Variants in YES1 observed in about 807,000 individuals in gnomAD.
YES1 encodes YES proto-oncogene 1, Src family tyrosine kinase, also known as tyrosine-protein kinase Yes.
Under a neutral mutation model 70.4 loss-of-function variants are expected in YES1, and 39 were observed. The ratio of observed to expected loss-of-function variants is 0.55; its 90% CI spans 0.43 to 0.72. The LOEUF (loss-of-function observed/expected upper bound fraction) is 0.72. YES1 is among the 30% of genes least tolerant of loss of function. The probability of loss-of-function intolerance (pLI) is 0.00; values close to 1 mark genes in which losing one functional copy is unlikely to be tolerated. For synonymous variants in YES1, 198 were observed against 218.6 expected, an observed-to-expected ratio of 0.91 and a Z score of 0.83; for missense variants, 495 against 644.8, an observed-to-expected ratio of 0.77 and a Z score of 2.52.
At position 772,104 on chromosome 18, in the gene YES1, C is replaced by T. The variant is rs529475157; in HGVS notation, c.-8-15269G>A. ...AGTGCAATGCCACGATCTCGGCTCA[C>T]GGCAACCTCTGCCTCCTGGGTTCAA... On this transcript the variant is annotated intron_variant, in intron 1 of 11. Coordinates refer to ENST00000314574, the MANE Select transcript of YES1 (RefSeq NM_005433.4). Among the ~76,000 whole-genome samples, 14 of 152,192 alleles carry T rather than the reference C, an allele frequency of 9.2e-5. No individual in the cohort carries two copies. The East Asian group carries it at 2.1e-3, about 23-fold the overall frequency.
chr18:757,502 CAAAA>C (rs747227284), intron 1 of YES1, among the ~76,000 whole-genome samples: 2 of 91,210 alleles, frequency 2.2e-5, no homozygotes, highest in East Asian at 3.3e-4. Flanking sequence ...GACTCCGTCT[CAAAA>C]AAAAAAAAAA....
At chr18:761,669 T>G (rs1904601992) in intron 1 of YES1, among the ~76,000 whole-genome samples, 1 of 152,206 alleles carries the variant, frequency 6.6e-6, no homozygotes, top group Non-Finnish European at 1.5e-5. Flanking sequence ...TCCAGAGTAT[T>G]GAGCCTAATG....
intron 9 of YES1, chr18:737,185 G>A: frequency 2.3e-6 from 1 of 442,102 alleles, no homozygotes; most frequent in South Asian, 3.0e-5. Context: ...GGGTGCGGTG[G>A]CCCACACCTA....
At chr18:771,046 C>G (rs12955644) in intron 1 of YES1, among the ~76,000 whole-genome samples, 24,731 of 151,390 alleles carry the variant, frequency 0.16, 2,234 homozygotes, top group East Asian at 0.32. Flanking sequence ...CCTAGAAAAA[C>G]ATTTCATTCC....
At chr18:768,692 GTTATTTAT>G (rs369460488) in intron 1 of YES1, among the ~76,000 whole-genome samples, 5 of 151,970 alleles carry the variant, frequency 3.3e-5, no homozygotes, top group East Asian at 1.9e-4. Context: ...GTTTAGATAT[GTTATTTAT>G]TTATTTATTT....
Position 736,973 on chromosome 18 carries a change from A to G in YES1, c.1138-12T>C. 1 of 1,594,808 alleles carries G rather than the reference A, an allele frequency of 6.3e-7. No individual in the cohort carries two copies. Among genetic ancestry groups the G allele is most frequent in the Non-Finnish European group, 8.5e-7 (1 of 1,174,662 alleles). On this transcript the variant is annotated splice_polypyrimidine_tract_variant and intron_variant, in intron 9 of 11. Transcript: ENST00000314574. The stretch of plus-strand genomic sequence containing the variant: ...ATACCATCAGCAATCTTGGAAAGAG[A>G]AAAACAAAAAACACAAGACATACGA...
intron 11 of YES1, among the ~76,000 whole-genome samples, chr18:731,354 G>C (rs1475708869): frequency 6.6e-6 from 1 of 152,038 alleles, no homozygotes; most frequent in African/African-American, 2.4e-5. Context: ...TTGTTGGAGA[G>C]GACAATGGTG....
chr18:794,046 G>A lies in YES1; in HGVS notation c.-9+18068C>T, dbSNP rs549303377. Among the ~76,000 whole-genome samples the A allele has an allele frequency of 1.1e-4, 17 of 152,252 alleles. 1 individual carries two copies. The highest frequency in any genetic ancestry group is 1.0e-3 in the South Asian group (5 of 4,826). On this transcript the variant is annotated intron_variant, in intron 1 of 11. Coordinates refer to ENST00000314574, the MANE Select transcript of YES1 (RefSeq NM_005433.4). ...AACTCTTACTGCAATAATTAATTCA[G>A]CCAAGGAATCATCAATGGAAGCAAA...
intron 1 of YES1, among the ~76,000 whole-genome samples, chr18:800,626 G>A (rs1264522421): frequency 1.3e-5 from 2 of 152,196 alleles, no homozygotes; most frequent in African/African-American, 4.8e-5. Flanking sequence ...AAGAAGAAAA[G>A]GCTACTAAGA....
At chr18:783,617 C>CTT (rs71805434) in intron 1 of YES1, among the ~76,000 whole-genome samples, 2 of 143,290 alleles carry the variant, frequency 1.4e-5, no homozygotes, top group African/African-American at 2.6e-5. Flanking sequence ...CAATTTTTCT[C>CTT]TTTTTTTTTT....
chr18:728,123 C>T (rs1391936390), intron 11 of YES1, among the ~76,000 whole-genome samples: 1 of 151,992 alleles, frequency 6.6e-6, no homozygotes, highest in African/African-American at 2.4e-5. Flanking sequence ...ATCGCTTGAG[C>T]CTAGGATTTT....
chr18:805,955 A>G (rs1291569843), intron 1 of YES1, among the ~76,000 whole-genome samples: 1 of 152,216 alleles, frequency 6.6e-6, no homozygotes, highest in Non-Finnish European at 1.5e-5. Context: ...CTGGGAATAG[A>G]GGCTGAAAAC....
At chr18:769,049 C>T (rs1304350656) in intron 1 of YES1, among the ~76,000 whole-genome samples, 1 of 152,140 alleles carries the variant, frequency 6.6e-6, no homozygotes, top group Non-Finnish European at 1.5e-5. Flanking sequence ...TTACAACTGC[C>T]TACAGCATTC....
At position 734,223 on chromosome 18, in the gene YES1, G is replaced by T. The variant is rs2080125004; in HGVS notation, c.1292-1258C>A. On this transcript the variant is annotated intron_variant, in intron 10 of 11. Transcript: ENST00000314574. ...GAACCTGGGGGGCAGAGGTTGCAGT[G>T]AGCCAAGATCATGCCACTTCACTCC... Among the ~76,000 whole-genome samples the T allele has an allele frequency of 2.0e-5, 3 of 151,720 alleles. No individual in the cohort carries two copies. The South Asian group carries it at 6.3e-4, about 32-fold the overall frequency.
At position 746,055 on chromosome 18, in the gene YES1, G is replaced by A; in HGVS notation, c.471-4C>T. 1 of 1,604,782 alleles carries A rather than the reference G, an allele frequency of 6.2e-7. No homozygotes were observed. The highest frequency in any genetic ancestry group is 8.5e-7 in the Non-Finnish European group (1 of 1,175,566). ...CCCCATTTTGCCAAAATACCATCTG[G>A]AAAAAAATTAAGTGTTTTGAATTGA... On this transcript the variant is annotated splice_polypyrimidine_tract_variant and splice_region_variant and intron_variant, in intron 4 of 11. Transcript: ENST00000314574.
intron 1 of YES1, among the ~76,000 whole-genome samples, chr18:793,324 C>A (rs939504759): frequency 6.6e-6 from 1 of 152,012 alleles, no homozygotes; most frequent in Non-Finnish European, 1.5e-5. Flanking sequence ...CAGGCGTGAG[C>A]CACCGCGCCT....
chr18:782,577 T>C (rs1905727097), intron 1 of YES1, among the ~76,000 whole-genome samples: 1 of 152,228 alleles, frequency 6.6e-6, no homozygotes, highest in South Asian at 2.1e-4. Context: ...GTAATAAAAA[T>C]ATATTATTAA....
chr18:785,365 T>C (rs976441681), intron 1 of YES1, among the ~76,000 whole-genome samples: 8 of 152,172 alleles, frequency 5.3e-5, no homozygotes, highest in Admixed American at 5.2e-4. Flanking sequence ...CAATAAGAGA[T>C]ATCATCTTCC....
At chr18:725,707 G>A (rs1373222930) in intron 11 of YES1, among the ~76,000 whole-genome samples, 1 of 152,090 alleles carries the variant, frequency 6.6e-6, no homozygotes, top group African/African-American at 2.4e-5. Context: ...TGCCAACATG[G>A]TGAAACCACG....
Sources: allele counts gnomAD v4.1 joint callset (sites outside exome capture counted in the v4.1 genomes callset), GRCh38; gene constraint gnomAD v4.1.1; transcripts MANE v1.5; gene names NCBI Gene and HGNC (gene_info 2026-07-23, HGNC 2026-07-21).